CST9L: variants seen among roughly 807,000 people sequenced by gnomAD.
CST9L encodes the protein cystatin-9-like.
A neutral mutation model predicts 13.2 loss-of-function variants in CST9L; 17 were observed. That is an observed-to-expected ratio of 1.29 (90% CI 0.88 to 1.93). CST9L has a LOEUF of 1.93. Ranked by LOEUF, CST9L falls within the 30% of genes most tolerant of loss-of-function variation. The pLI is 0.00. For missense variants in CST9L, 170 were observed against 170.5 expected, an observed-to-expected ratio of 1.00 and a Z score of 0.02; for synonymous variants, 78 against 69.1, an observed-to-expected ratio of 1.13 and a Z score of -0.64.
intron 1 of CST9L, 120 bp from the exon 2 acceptor site, chr20:23,566,207 C>G (rs558729031): frequency 1.4e-6 from 1 of 722,342 alleles, no homozygotes; most frequent in African/African-American, 1.7e-5. Context: ...GGGAGCTTGC[C>G]CATGGGCCTG....
At chr20:23,565,570 A>C (rs1173312888) in intron 2 of CST9L, among the ~76,000 whole-genome samples, 5 of 152,072 alleles carry the variant, frequency 3.3e-5, no homozygotes, top group African/African-American at 1.2e-4. Context: ...GGGGAGGGTA[A>C]GGAAACCCTG....
intron 1 of CST9L, 35 bp from the exon 2 acceptor site, chr20:23,566,122 C>G (rs777047849): frequency 8.5e-7 from 1 of 1,172,364 alleles, no homozygotes; most frequent in African/African-American, 1.5e-5. Flanking sequence ...TGAACACACC[C>G]TCCTTGTTGC....
rs757004110 is a variant in CST9L at position 23,568,385 on chromosome 20, C to A, written c.66G>T (p.Gln22His). Residue 22 changes from glutamine to histidine, a missense_variant, in exon 1 of 3, where the codon CAG becomes CAT. Gln to His is a conservative substitution (Grantham distance 24, BLOSUM62 0). Coordinates refer to ENST00000376979, the MANE Select transcript of CST9L (RefSeq NM_080610.3). ...AATGCCAGGCATAGATCAGCAGGAT[C>A]TGGGAGCCTAAGAGAAGCAGCAGCA... ...WALLLLLLGS[Q>H]ILLIYAWHFH... 1.2e-6 allele frequency: 2 copies of A among 1,614,244 alleles called. No homozygotes were observed. Among genetic ancestry groups the A allele is most frequent in the Non-Finnish European group, 1.7e-6 (2 of 1,180,046 alleles).
intron 1 of CST9L, among the ~76,000 whole-genome samples, chr20:23,567,294 G>T (rs2122342093): frequency 6.6e-6 from 1 of 152,154 alleles, no homozygotes; most frequent in Non-Finnish European, 1.5e-5. Flanking sequence ...CAGATCATGA[G>T]GTCAGGAGTT....
chr20:23,565,010 T>G lies in CST9L; in HGVS notation c.382A>C (p.Thr128Pro). ...CTGAACTGAGTCATCCAGGGCCTGG[T>G]GCTGATGGTGAAGAAGCAGGTGAAA... ...NTFTCFFTISTRPWMTQFSLL... is the reference protein window; with the variant it reads ...NTFTCFFTISPRPWMTQFSLL... The change falls in exon 3 of 3, where the codon ACC becomes CCC. Residue 128 changes from threonine to proline, a missense_variant. By Grantham distance (38) the Thr-to-Pro change is conservative. Transcript: ENST00000376979. 6.2e-7 allele frequency: 1 copy of G among 1,613,800 alleles called. No individual in the cohort carries two copies. The highest frequency in any genetic ancestry group is 8.5e-7 in the Non-Finnish European group (1 of 1,179,888).
Position 23,564,850 on chromosome 20 carries a change from C to T in CST9L, c.*98G>A. ...ATGCAAAATAGGATAACAAACAAGT[C>T]CAAAGCTGCTCAGCCACTGAAGAGT... On this transcript the variant is annotated 3_prime_UTR_variant, in exon 3 of 3. Coordinates refer to ENST00000376979, the MANE Select transcript of CST9L (RefSeq NM_080610.3). 1 of 846,982 alleles carries T rather than the reference C, an allele frequency of 1.2e-6. No homozygotes were observed. The allele number at this position is 846,982 out of a possible 1,614,324, so 52.5% of individuals were successfully genotyped here.
chr20:23,566,883 A>G lies in CST9L; in HGVS notation c.241-796T>C, dbSNP rs561879275. On this transcript the variant is annotated intron_variant, in intron 1 of 2. Coordinates refer to ENST00000376979, the MANE Select transcript of CST9L (RefSeq NM_080610.3). ...AGCCTGGTTGACAGGGTGAGACTCC[A>G]TATCAAAAGAAAGAAAGAAAGAAAG... 4.6e-5 allele frequency among the ~76,000 whole-genome samples: 7 copies of G among 152,202 alleles called. No homozygotes were observed. The South Asian group carries it at 1.5e-3, about 32-fold the overall frequency.
At chr20:23,566,754 G>A (rs1368556899) in intron 1 of CST9L, among the ~76,000 whole-genome samples, 1 of 152,076 alleles carries the variant, frequency 6.6e-6, no homozygotes, top group African/African-American at 2.4e-5. Flanking sequence ...CATGGTGGCA[G>A]GTGCTTGTAA....
At chr20:23,565,129 G>T in intron 2 of CST9L, 92 bp from the exon 3 acceptor site, 1 of 910,380 alleles carries the variant, frequency 1.1e-6, no homozygotes, top group Non-Finnish European at 1.8e-6. Context: ...TCTCCACATT[G>T]CCCTTTCCCA....
intron 1 of CST9L, among the ~76,000 whole-genome samples, 156 bp from the exon 2 acceptor site, chr20:23,566,243 G>A (rs1989094621): frequency 6.6e-6 from 1 of 152,102 alleles, no homozygotes; most frequent in South Asian, 2.1e-4. Flanking sequence ...CTTTAGATTG[G>A]GCAGTTAAGA....
At position 23,568,243 on chromosome 20, in the gene CST9L, G is replaced by A. The variant is rs1568682083; in HGVS notation, c.208C>T (p.Leu70=). 6 of 1,614,170 alleles carry A rather than the reference G, an allele frequency of 3.7e-6. No individual in the cohort carries two copies. Among genetic ancestry groups the A allele is most frequent in the Non-Finnish European group, 5.1e-6 (6 of 1,180,020 alleles). ...QQSKDYYAYR[L]GHILNSWKEQ... ...TTCCAGGAATTCAAGATGTGCCCCA[G>A]TCTGTAGGCATAGTAGTCCTTGCTC... is the stretch of plus-strand genomic sequence containing the variant. The change falls in exon 1 of 3, where the codon CTG becomes TTG. Residue 70 remains leucine, a synonymous_variant. Coordinates refer to ENST00000376979, the MANE Select transcript of CST9L (RefSeq NM_080610.3).
At chr20:23,565,183 C>T (rs1046430320) in intron 2 of CST9L, 146 bp from the exon 3 acceptor site, 17 of 668,186 alleles carry the variant, frequency 2.5e-5, no homozygotes, top group African/African-American at 1.8e-4. Context: ...TCATGTGCTG[C>T]CCCCAAGCCT....
chr20:23,565,916 C>G, intron 2 of CST9L, 58 bp downstream of exon 2: 1 of 951,674 alleles, frequency 1.1e-6, no homozygotes, highest in Non-Finnish European at 1.7e-6. Context: ...GTGCCCACAC[C>G]ACACCCCATG....
At chr20:23,565,365 C>A (rs932320233) in intron 2 of CST9L, among the ~76,000 whole-genome samples, 13 of 152,222 alleles carry the variant, frequency 8.5e-5, no homozygotes, top group African/African-American at 2.4e-4. Context: ...CCAGTGGAAG[C>A]AGTTCCCAGA....
chr20:23,566,146 C>G, intron 1 of CST9L, 59 bp from the exon 2 acceptor site: 1 of 952,500 alleles, frequency 1.0e-6, no homozygotes, highest in Non-Finnish European at 1.7e-6. Context: ...TAAGTAGCTG[C>G]TGGTGAAGAT....
At chr20:23,565,615 C>G (rs962523102) in intron 2 of CST9L, among the ~76,000 whole-genome samples, 7 of 152,060 alleles carry the variant, frequency 4.6e-5, no homozygotes, top group African/African-American at 1.4e-4. Context: ...GATGTCAGAT[C>G]CCAGGTTCTT....
At chr20:23,566,557 C>A (rs538942654) in intron 1 of CST9L, among the ~76,000 whole-genome samples, 19 of 152,278 alleles carry the variant, frequency 1.2e-4, no homozygotes, top group African/African-American at 4.6e-4. Context: ...TCCCACTACA[C>A]ACAGGCATAC....
At chr20:23,566,208 C>G in intron 1 of CST9L, 121 bp from the exon 2 acceptor site, 1 of 719,004 alleles carries the variant, frequency 1.4e-6, no homozygotes, top group Non-Finnish European at 2.6e-6. Context: ...GGAGCTTGCC[C>G]ATGGGCCTGG....
intron 1 of CST9L, 88 bp from the exon 2 acceptor site, chr20:23,566,175 G>A (rs1222240513): frequency 1.2e-6 from 1 of 808,476 alleles, no homozygotes; most frequent in Non-Finnish European, 2.2e-6. Context: ...TGTAGGAGAA[G>A]TCCCAACATT....
Sources: gnomAD v4.1 joint callset for allele counts (sites outside exome capture counted in the v4.1 genomes callset) on GRCh38, gnomAD v4.1.1 for gene constraint, MANE v1.5 for transcripts, NCBI Gene and HGNC (gene_info 2026-07-23, HGNC 2026-07-21) for gene names.